Variants in EPS8L1 observed in about 807,000 individuals in gnomAD.
EPS8L1 encodes the protein epidermal growth factor receptor kinase substrate 8-like protein 1.
A neutral mutation model predicts 91.7 loss-of-function variants in EPS8L1; 101 were observed. That is an observed-to-expected ratio of 1.10 (90% CI 0.94 to 1.30). The LOEUF (loss-of-function observed/expected upper bound fraction) is 1.30. EPS8L1 is among the 50% of genes most tolerant of loss of function. The pLI, the probability that EPS8L1 is intolerant of heterozygous loss-of-function variation, is 0.00. For synonymous variants in EPS8L1, 506 were observed against 445.3 expected (o/e 1.14, Z -1.72); for missense variants, 1,114 against 1,017.0 (o/e 1.10, Z -1.30).
At chr19:55,077,932 C>CAAT (rs34626114) in intron 2 of EPS8L1, among the ~76,000 whole-genome samples, 156 bp from the exon 3 acceptor site, 7,863 of 126,190 alleles carry the variant, frequency 0.062, 250 homozygotes, top group Middle Eastern at 0.086. Flanking sequence ...CTCTCCTGCT[C>CAAT]AATAATAATA....
At position 55,086,827 on chromosome 19, in the gene EPS8L1, A is replaced by G; in HGVS notation, c.1891A>G (p.Ser631Gly). ...GCCCCGCGCCCCGGAACCGCAGCTC[A>G]GCCCGGGCTCGGACGCCTCCGAGGT... The part of the protein sequence containing the change: ...PGPRAPEPQL[S>G]PGSDASEVRA... The change falls in exon 18 of 20, where the codon AGC (serine) becomes GGC (glycine). Residue 631 changes from serine (S) to glycine (G), a missense_variant. By Grantham distance (56) the Ser-to-Gly change is moderately conservative (BLOSUM62 0). Transcript: ENST00000201647. The G allele has an allele frequency of 4.5e-6, 7 of 1,560,518 alleles. No individual in the cohort carries two copies. Among genetic ancestry groups the G allele is most frequent in the Admixed American group, 1.9e-5 (1 of 51,696 alleles).
intron 12 of EPS8L1, among the ~76,000 whole-genome samples, chr19:55,082,902 G>A (rs1237173054): frequency 6.6e-6 from 1 of 152,142 alleles, no homozygotes; most frequent in African/African-American, 2.4e-5. Flanking sequence ...ACGCGAAGGG[G>A]CGGGGCTTCT....
rs747095579 is a variant in EPS8L1, at chr19:55,087,365, T to C, written c.2015T>C (p.Leu672Pro). 1.2e-6 allele frequency: 2 copies of C among 1,613,086 alleles called. No individual in the cohort carries two copies. The highest frequency in any genetic ancestry group is 2.2e-5 in the South Asian group (2 of 91,004). Reference sequence around the variant, plus strand: ...CTTTTCTCGCTGCAGAAGGAGGAGCTGCGGGCGGTGAGCCCCGAGGAGGGG... The same window carrying C: ...CTTTTCTCGCTGCAGAAGGAGGAGCCGCGGGCGGTGAGCCCCGAGGAGGGG... The part of the protein sequence containing the change: ...AQLFSLQKEE[L>P]RAVSPEEGAR... Residue 672 changes from leucine to proline, a missense_variant, in exon 19 of 20, where the codon CTG (leucine) becomes CCG (proline). Transcript: ENST00000201647.
rs748289464 is a variant in EPS8L1 at position 55,080,188 on chromosome 19, C to T, written c.339C>T (p.Pro113=). 5.2e-6 allele frequency: 8 copies of T among 1,534,280 alleles called. No individual in the cohort carries two copies. The African/African-American group carries it at 6.9e-5, about 13-fold the overall frequency. ...AIVRCDAVMP[P]GRSRSLLLLV... is the part of the protein sequence containing the mutation. ...TGCGCTGTGACGCGGTGATGCCACC[C>T]GGCAGGAGCCGCTCGTTGCTGCTGC... Residue 113 remains proline, a synonymous_variant, in exon 6 of 20, where the codon CCC becomes CCT. Transcript: ENST00000201647.
chr19:55,082,571 A>G lies in EPS8L1; in HGVS notation c.1183A>G (p.Thr395Ala). The G allele has an allele frequency of 3.2e-6, 5 of 1,580,494 alleles. No homozygotes were observed. Among genetic ancestry groups the G allele is most frequent in the Non-Finnish European group, 3.4e-6 (4 of 1,163,902 alleles). ...NVTPRENELW[T>A]SLGDSWTRPG... ...CACTCCACGTGAAAACGAGCTCTGG[A>G]CCTCGCTGGGGGACTCGTGGACCCG... Residue 395 changes from threonine (T) to alanine (A), a missense_variant, in exon 12 of 20, where the codon ACC becomes GCC. Physicochemically the swap from Thr to Ala is moderately conservative, Grantham distance 58. Coordinates refer to ENST00000201647, the MANE Select transcript of EPS8L1 (RefSeq NM_133180.3).
chr19:55,081,366 C>T lies in EPS8L1; in HGVS notation c.648C>T (p.Pro216=). ...GAGRGRPQAK[P]IPEAEEAQRP... ...GCCGCGGACGACCCCAGGCGAAGCC[C>T]ATTCCCGAGGCAGAGGAGGCGCAGA... The change falls in exon 8 of 20, where the codon CCC becomes CCT. Residue 216 remains proline, a synonymous_variant. Transcript: ENST00000201647. This position sits in a 1 kb window ranked among gnomAD's most constrained non-coding sequence, Gnocchi z 4.9. 6.4e-7 allele frequency: 1 copy of T among 1,572,206 alleles called. No individual in the cohort carries two copies. The highest frequency in any genetic ancestry group is 8.6e-7 in the Non-Finnish European group (1 of 1,162,260).
rs2076345120 is a variant in EPS8L1 at position 55,085,652 on chromosome 19, A to G, written c.1386-189A>G. On this transcript the variant is annotated intron_variant, in intron 14 of 19. Coordinates refer to ENST00000201647, the MANE Select transcript of EPS8L1 (RefSeq NM_133180.3). ...TACCCACTACATATGCCTACAGCAC[A>G]ATGCCAAGCAACGGAGGGAGCAAAT... 4.8e-6 allele frequency: 3 copies of G among 624,862 alleles called. No individual in the cohort carries two copies. In the East Asian group the frequency reaches 8.6e-5, roughly 18 times the overall value. The allele number at this position is 624,862 out of a possible 1,614,324, so 38.7% of individuals were successfully genotyped here.
In EPS8L1 at chr19:55,082,321, T is replaced by C. The variant is rs748013705; in HGVS notation, c.1037T>C (p.Leu346Ser). The stretch of plus-strand genomic sequence containing the variant: ...GCCGACCCCTCCTCTCCGGAGCTGT[T>C]GCACTTCCTTTTCGGGCCTCTGCAG... ...NIADPSSPEL[L>S]HFLFGPLQMI... Residue 346 changes from leucine (L) to serine (S), a missense_variant, in exon 11 of 20, where the codon TTG becomes TCG. Physicochemically the swap from Leu to Ser is moderately radical, Grantham distance 145 (BLOSUM62 -2). Transcript: ENST00000201647. 7.4e-6 allele frequency: 12 copies of C among 1,612,604 alleles called. No homozygotes were observed. In the South Asian group the frequency reaches 1.3e-4, roughly 18 times the overall value.
rs1180560000 is a variant in EPS8L1 at position 55,075,931 on chromosome 19, C to T, written c.-38+12C>T. The T allele has an allele frequency of 3.2e-5, 5 of 157,536 alleles. No individual in the cohort carries two copies. The highest frequency in any genetic ancestry group is 7.0e-5 in the Non-Finnish European group (5 of 71,758). The allele number at this position is 157,536 out of a possible 1,614,324, so 9.8% of individuals were successfully genotyped here. On this transcript the variant is annotated intron_variant, in intron 1 of 19. Transcript: ENST00000201647. ...GCCTGAGCAGGCAGGTAAGGAGATC[C>T]GGGTCAGGAGAGAAGGGGGCCGGGG... is the stretch of plus-strand genomic sequence containing the variant.
intron 14 of EPS8L1, 155 bp from the exon 15 acceptor site, chr19:55,085,686 T>C (rs1389112909): frequency 1.8e-5 from 15 of 840,190 alleles, no homozygotes; most frequent in Non-Finnish European, 2.6e-5. Context: ...ATATATTCAG[T>C]CTGTTATTCT....
rs770985825 is a variant in EPS8L1, at chr19:55,079,798, ATGC to A, written c.233_235del (p.Leu78del). ...CCAGGGCCGAGTCTGGGCACAGGAG[ATGC>A]TGCTGCGAGTGTCTCCCGACCATGT... On this transcript the variant is annotated inframe_deletion, in exon 5 of 20. Transcript: ENST00000201647. 6.2e-7 allele frequency: 1 copy of A among 1,614,022 alleles called. No individual in the cohort carries two copies. The highest frequency in any genetic ancestry group is 1.1e-5 in the South Asian group (1 of 91,066).
At chr19:55,078,715 G>A (rs1200210159) in intron 3 of EPS8L1, among the ~76,000 whole-genome samples, 26 of 34,818 alleles carry the variant, frequency 7.5e-4, no homozygotes, top group Non-Finnish European at 1.2e-3. Flanking sequence ...CTGGACTCCT[G>A]GGTCAGAGGG....
At position 55,081,024 on chromosome 19, in the gene EPS8L1, G is replaced by A. The variant is rs2076246749; in HGVS notation, c.512+170G>A. The A allele has an allele frequency of 2.2e-6, 2 of 909,912 alleles. No individual in the cohort carries two copies. Among genetic ancestry groups the A allele is most frequent in the African/African-American group, 1.7e-5 (1 of 59,770 alleles). 56.4% of individuals were successfully genotyped at this position (909,912 alleles called of 1,614,324 possible). A position where few individuals can be genotyped will look rare whatever the true frequency, so the allele number is the denominator to read the frequency against. ...GAGCTGACCCCTTCTCCAGAACTCT[G>A]CTTCTTTTCTCTGTTCCCTGTCCAG... On this transcript the variant is annotated intron_variant, in intron 7 of 19. Transcript: ENST00000201647. The surrounding 1 kb of genome is among the most constrained non-coding windows in gnomAD (Gnocchi z 4.9).
At chr19:55,078,969 C>T in intron 3 of EPS8L1, 30 bp from the exon 4 acceptor site, 1 of 1,611,486 alleles carries the variant, frequency 6.2e-7, no homozygotes. Flanking sequence ...GGCCTGGACT[C>T]CCAGGCTCAT....
rs566391145 is a variant in EPS8L1, at chr19:55,084,206, C to T, written c.1385+562C>T. On this transcript the variant is annotated intron_variant, in intron 14 of 19. Coordinates refer to ENST00000201647, the MANE Select transcript of EPS8L1 (RefSeq NM_133180.3). ...TCTGGGCCCCCGAGAGGGGTAAAGG[C>T]TGGACGATTAAACTCTTGGTTTTCC... 3.3e-5 allele frequency: 6 copies of T among 179,582 alleles called. No individual in the cohort carries two copies. The South Asian group carries it at 6.9e-4, about 21-fold the overall frequency. 11.1% of individuals were successfully genotyped at this position (179,582 alleles called of 1,614,324 possible).
chr19:55,082,359 GC>G lies in EPS8L1; in HGVS notation c.1065+14del. 6.2e-7 allele frequency: 1 copy of G among 1,612,518 alleles called. No homozygotes were observed. Among genetic ancestry groups the G allele is most frequent in the Non-Finnish European group, 8.5e-7 (1 of 1,179,828 alleles). Reference sequence around the variant, plus strand: ...CGGGCCTCTGCAGATGGTGAGACCCGCCCCAGGCCCTCGGGCCCCCCTGCAG... The same window carrying G: ...CGGGCCTCTGCAGATGGTGAGACCCGCCCAGGCCCTCGGGCCCCCCTGCAG... On this transcript the variant is annotated intron_variant, in intron 11 of 19. Coordinates refer to ENST00000201647, the MANE Select transcript of EPS8L1 (RefSeq NM_133180.3).
Position 55,083,908 on chromosome 19 carries a change from G to C in EPS8L1, c.1385+264G>C. On this transcript the variant is annotated intron_variant, in intron 14 of 19. Transcript: ENST00000201647. The surrounding 1 kb of genome is among the most constrained non-coding windows in gnomAD (Gnocchi z 4.7). ...TGGGCCTAAGGGAGGAAGGGGGCTG[G>C]GAGTGGGTAAAGTCTGAGAGGTTGG... 1 of 624,258 alleles carries C rather than the reference G, an allele frequency of 1.6e-6. No homozygotes were observed. Among genetic ancestry groups the C allele is most frequent in the Non-Finnish European group, 2.8e-6 (1 of 352,150 alleles). 38.7% of individuals were successfully genotyped at this position (624,258 alleles called of 1,614,324 possible).
rs777033748 is a variant in EPS8L1, at chr19:55,081,815, T to C, written c.817T>C (p.Ser273Pro). 1.9e-6 allele frequency: 3 copies of C among 1,612,742 alleles called. No homozygotes were observed. The South Asian group carries it at 3.3e-5, about 18-fold the overall frequency. Residue 273 changes from serine (S) to proline (P), a missense_variant, in exon 9 of 20, where the codon TCG (serine) becomes CCG (proline). Coordinates refer to ENST00000201647, the MANE Select transcript of EPS8L1 (RefSeq NM_133180.3). The surrounding 1 kb of genome is among the most constrained non-coding windows in gnomAD (Gnocchi z 4.9). ...HVFDDVESFV[S>P]RLQKSAEAAR... Reference sequence around the variant, plus strand: ...GTTCGACGACGTAGAGAGCTTTGTATCGAGGCTGCAGAAGTCGGCGGAGGC... The same window carrying C: ...GTTCGACGACGTAGAGAGCTTTGTACCGAGGCTGCAGAAGTCGGCGGAGGC...
Position 55,083,805 on chromosome 19 carries a change from A to T in EPS8L1, c.1385+161A>T. ...TGATGGGGCGGGCCGGGGCTGGGAGAGAGGGAGGAGCAGGGTGGGAGGGGG... is the reference window on the plus strand; with the variant it reads ...TGATGGGGCGGGCCGGGGCTGGGAGTGAGGGAGGAGCAGGGTGGGAGGGGG... On this transcript the variant is annotated intron_variant, in intron 14 of 19. Coordinates refer to ENST00000201647, the MANE Select transcript of EPS8L1 (RefSeq NM_133180.3). The surrounding 1 kb of genome is among the most constrained non-coding windows in gnomAD (Gnocchi z 4.7). 1 of 253,940 alleles carries T rather than the reference A, an allele frequency of 3.9e-6. No individual in the cohort carries two copies. Among genetic ancestry groups the T allele is most frequent in the Non-Finnish European group, 8.0e-6 (1 of 125,722 alleles). The allele number at this position is 253,940 out of a possible 1,614,324, so 15.7% of individuals were successfully genotyped here. A position where few individuals can be genotyped will look rare whatever the true frequency, so the allele number is the denominator to read the frequency against.
Sources: allele counts gnomAD v4.1 joint callset (sites outside exome capture counted in the v4.1 genomes callset), GRCh38; gene constraint gnomAD v4.1.1; non-coding constraint Gnocchi (gnomAD v3.1); transcripts MANE v1.5; gene names NCBI Gene and HGNC (gene_info 2026-07-23, HGNC 2026-07-21).